The following PTPRB variants were observed in gnomAD, a reference collection of about 807,000 sequenced individuals.
The protein encoded by PTPRB is receptor-type tyrosine-protein phosphatase beta.
Under a neutral mutation model 238.1 loss-of-function variants are expected in PTPRB, and 97 were observed. That is an observed-to-expected ratio of 0.41 (90% CI 0.35 to 0.48). PTPRB has a LOEUF of 0.48. Among genes scored for constraint, PTPRB ranks in the 20% least tolerant of loss-of-function variants. The probability of loss-of-function intolerance (pLI) is 0.30; values close to 1 mark genes in which losing one functional copy is unlikely to be tolerated. For synonymous variants in PTPRB, 970 were observed against 995.4 expected, an observed-to-expected ratio of 0.97 and a Z score of 0.48; for missense variants, 2,292 against 2,681.9, an observed-to-expected ratio of 0.85 and a Z score of 3.21.
chr12:70,633,116 C>T (rs1490730970), intron 2 of PTPRB, among the ~76,000 whole-genome samples: 2 of 152,194 alleles, frequency 1.3e-5, no homozygotes, highest in Non-Finnish European at 2.9e-5. Flanking sequence ...ATGAACAACA[C>T]ATGTATTTGT....
rs118060487 is a variant in PTPRB, at chr12:70,545,517, C to T, written c.5388-854G>A. On this transcript the variant is annotated intron_variant, in intron 21 of 33. Coordinates refer to ENST00000334414, the MANE Select transcript of PTPRB (RefSeq NM_001109754.4). The stretch of plus-strand genomic sequence containing the variant: ...TCTTGGAAACTTGAAAGACAAAATA[C>T]AAAGGAATCAGGCAAATAGCAAAAT... Among the ~76,000 whole-genome samples, 803 of 152,194 alleles carry T rather than the reference C, an allele frequency of 5.3e-3. 6 individuals carry two copies. The highest frequency in any genetic ancestry group is 8.6e-3 in the Admixed American group (131 of 15,290).
intron 28 of PTPRB, among the ~76,000 whole-genome samples, chr12:70,537,317 T>G (rs1427138715): frequency 1.5e-5 from 2 of 135,664 alleles, no homozygotes; most frequent in South Asian, 2.4e-4. Flanking sequence ...AAGAAAGAAA[T>G]ACAGATTCCC....
At chr12:70,549,630 A>G (rs1876583450) in intron 21 of PTPRB, among the ~76,000 whole-genome samples, 1 of 152,146 alleles carries the variant, frequency 6.6e-6, no homozygotes, top group African/African-American at 2.4e-5. Flanking sequence ...GATGCCTAAC[A>G]ACAAGGAGGG....
At chr12:70,613,902 T>A (rs1477365780) in intron 3 of PTPRB, among the ~76,000 whole-genome samples, 1 of 151,276 alleles carries the variant, frequency 6.6e-6, no homozygotes, top group Non-Finnish European at 1.5e-5. Flanking sequence ...TTAAATACTA[T>A]CCTGGAAGGG....
At position 70,516,348 on chromosome 12, in the gene PTPRB, C is replaced by T. The variant is rs1871196523; in HGVS notation, c.*5141G>A. ...AATTTCCACAAGGTAGGAGTCGAGA[C>T]GAGATTAAAGACTTGGTCCTTGTTC... On this transcript the variant is annotated 3_prime_UTR_variant, in exon 34 of 34. Transcript: ENST00000334414. 2 of 152,136 alleles carry T rather than the reference C, an allele frequency of 1.3e-5. No individual in the cohort carries two copies. The highest frequency in any genetic ancestry group is 2.1e-4 in the South Asian group (1 of 4,826). 9.4% of individuals were successfully genotyped at this position (152,136 alleles called of 1,614,324 possible). A position where few individuals can be genotyped will look rare whatever the true frequency, so the allele number is the denominator to read the frequency against.
chr12:70,575,076 T>C (rs73144050), intron 11 of PTPRB, among the ~76,000 whole-genome samples: 22,783 of 152,122 alleles, frequency 0.15, 1,989 homozygotes, highest in Non-Finnish European at 0.2. Context: ...AAGTCATTAT[T>C]GTGATTGTCA....
At chr12:70,539,729 CAG>C (rs1565916277) in intron 25 of PTPRB, 23 bp from the exon 26 acceptor site, 3 of 1,600,054 alleles carry the variant, frequency 1.9e-6, no homozygotes, top group Non-Finnish European at 2.6e-6. Context: ...ATGAAACAAA[CAG>C]AAAAGAGTTA....
chr12:70,587,079 G>T lies in PTPRB; in HGVS notation c.2239C>A (p.Arg747=). Residue 747 remains arginine, a synonymous_variant, in exon 9 of 34, where the codon CGA becomes AGA. Coordinates refer to ENST00000334414, the MANE Select transcript of PTPRB (RefSeq NM_001109754.4). Reference sequence around the variant, plus strand: ...CTGGTGACTGTAGCCATGTATTTTCGTCCAGGCACCAGGTCAGTAAAAGTG... The same window carrying T: ...CTGGTGACTGTAGCCATGTATTTTCTTCCAGGCACCAGGTCAGTAAAAGTG... ...EFTFTDLVPG[R]KYMATVTSIS... 6.2e-7 allele frequency: 1 copy of T among 1,613,652 alleles called. No individual in the cohort carries two copies.
chr12:70,540,449 G>A (rs954518883), intron 23 of PTPRB: 1 of 196,756 alleles, frequency 5.1e-6, no homozygotes, highest in African/African-American at 2.3e-5. Context: ...CTTAAATTAG[G>A]ATGGCAGATA....
rs905973712 is a variant in PTPRB, at chr12:70,571,246, A to C, written c.3150T>G (p.Thr1050=). 3.1e-6 allele frequency: 5 copies of C among 1,610,658 alleles called. No homozygotes were observed. Among genetic ancestry groups the C allele is most frequent in the East Asian group, 2.2e-5 (1 of 44,856 alleles). The change falls in exon 13 of 34, where the codon ACT becomes ACG. Residue 1050 remains threonine (T), a synonymous_variant. Coordinates refer to ENST00000334414, the MANE Select transcript of PTPRB (RefSeq NM_001109754.4). ...VKDLTLRNRS[T]EDLHVTWSGA... ...CTGACCAAGTCACATGCAAGTCCTC[A>C]GTGCTCCTGTTGCGCAATGTTAGAT...
intron 21 of PTPRB, among the ~76,000 whole-genome samples, chr12:70,545,679 GGCCCTGGCCAGGA>G (rs1210162450): frequency 2.0e-5 from 3 of 152,160 alleles, no homozygotes; most frequent in South Asian, 2.1e-4. Flanking sequence ...AAGGACACAG[GGCCCTGGCCAGGA>G]GCCCTGGCAA....
chr12:70,615,230 C>G (rs1459500142), intron 3 of PTPRB, among the ~76,000 whole-genome samples: 2 of 152,142 alleles, frequency 1.3e-5, no homozygotes, highest in Non-Finnish European at 2.9e-5. Context: ...CTGAGAACAT[C>G]CAAATGACCG....
rs79647406 is a variant in PTPRB at position 70,605,946 on chromosome 12, G to C, written c.979+3123C>G. On this transcript the variant is annotated intron_variant, in intron 4 of 33. Coordinates refer to ENST00000334414, the MANE Select transcript of PTPRB (RefSeq NM_001109754.4). ...AAAAATGCCAACTTATTCCATATCT[G>C]GTATGTTCATTGTCTGATTTCTGGT... 2.9e-4 allele frequency among the ~76,000 whole-genome samples: 44 copies of C among 152,140 alleles called. No homozygotes were observed. In the East Asian group the frequency reaches 7.9e-3, roughly 27 times the overall value.
chr12:70,633,570 G>A (rs1165201799), intron 2 of PTPRB, among the ~76,000 whole-genome samples: 1 of 152,176 alleles, frequency 6.6e-6, no homozygotes, highest in Non-Finnish European at 1.5e-5. Context: ...TTATACTTAT[G>A]TGTACTCAAA....
intron 3 of PTPRB, 29 bp downstream of exon 3, chr12:70,622,361 A>T (rs564732636): frequency 1.2e-6 from 2 of 1,608,560 alleles, no homozygotes; most frequent in African/African-American, 2.7e-5. Flanking sequence ...ACGTGCACAG[A>T]CCACACTCCA....
chr12:70,537,406 G>A (rs1348972699), intron 28 of PTPRB, among the ~76,000 whole-genome samples: 1 of 152,050 alleles, frequency 6.6e-6, no homozygotes, highest in Non-Finnish European at 1.5e-5. Context: ...TTTCAATGTA[G>A]GAGAGGCACT....
chr12:70,585,484 T>TCC (rs1881810505), intron 9 of PTPRB, among the ~76,000 whole-genome samples: 1 of 151,992 alleles, frequency 6.6e-6, no homozygotes, highest in Admixed American at 6.6e-5. Context: ...GGGAGTGGTT[T>TCC]CCCCCATGCT....
rs1378640397 is a variant in PTPRB at position 70,594,574 on chromosome 12, G to A, written c.1409C>T (p.Ala470Val). 1 of 1,613,980 alleles carries A rather than the reference G, an allele frequency of 6.2e-7. No individual in the cohort carries two copies. The highest frequency in any genetic ancestry group is 8.5e-7 in the Non-Finnish European group (1 of 1,179,892). ...CAGCCCGTGAAAAGCATAGGAAGTA[G>A]CATGTTTGTCCACAACACCGCCATG... is the stretch of plus-strand genomic sequence containing the variant. ...LVHGGVVDKH[A>V]TSYAFHGLTP... is the part of the protein sequence containing the mutation. The change falls in exon 6 of 34, where the codon GCT becomes GTT. Residue 470 changes from alanine (A) to valine (V), a missense_variant. Around this residue, in one of 4 missense-constraint regions of PTPRB, gnomAD observed 1,205 missense variants for 1,287.8 expected, o/e 0.94. Transcript: ENST00000334414.
At chr12:70,599,609 T>C (rs1883308981) in intron 4 of PTPRB, among the ~76,000 whole-genome samples, 1 of 152,174 alleles carries the variant, frequency 6.6e-6, no homozygotes, top group African/African-American at 2.4e-5. Context: ...GAATGACAAA[T>C]GCATAGTCAA....
Sources: allele counts gnomAD v4.1 joint callset (sites outside exome capture counted in the v4.1 genomes callset), GRCh38; gene constraint gnomAD v4.1.1; regional missense constraint gnomAD v4.1.1; transcripts MANE v1.5; gene names NCBI Gene and HGNC (gene_info 2026-07-23, HGNC 2026-07-21).